Variants in FOXN3 observed in about 807,000 individuals in gnomAD.
The protein encoded by FOXN3 is forkhead box protein N3.
In FOXN3, 7 loss-of-function variants were observed where a neutral mutation model predicts 38.4. That is an observed-to-expected ratio of 0.18 (90% confidence interval 0.10 to 0.34). FOXN3 has a LOEUF of 0.34. Ranked by LOEUF, FOXN3 falls within the 10% of genes least tolerant of loss-of-function variation. FOXN3 has a pLI of 1.00. For missense variants in FOXN3, 456 were observed against 613.4 expected (o/e 0.74, Z 2.71); for synonymous variants, 230 against 242.2 (o/e 0.95, Z 0.47).
At chr14:89,250,853 T>C (rs1306967210) in intron 4 of FOXN3, among the ~76,000 whole-genome samples, 5 of 152,086 alleles carry the variant, frequency 3.3e-5, no homozygotes, top group Non-Finnish European at 7.4e-5. Context: ...AAAGGGGAGT[T>C]CCCCTGCACA....
intron 1 of FOXN3, among the ~76,000 whole-genome samples, chr14:89,611,829 A>G (rs1176255266): frequency 1.4e-5 from 2 of 145,894 alleles, no homozygotes; most frequent in East Asian, 4.1e-4. Context: ...AAAAAAAAAA[A>G]TCACTGACAA....
intron 4 of FOXN3, chr14:89,190,331 GA>G (rs1365099107): frequency 2.2e-6 from 3 of 1,367,406 alleles, no homozygotes; most frequent in Non-Finnish European, 3.1e-6. Flanking sequence ...GTATAAATGA[GA>G]AGGTTAAGTT....
chr14:89,429,454 GA>G (rs1892112225), intron 1 of FOXN3, among the ~76,000 whole-genome samples: 1 of 152,118 alleles, frequency 6.6e-6, no homozygotes, highest in Admixed American at 6.6e-5. Flanking sequence ...AGCACAAAGG[GA>G]ATCATACCCA....
chr14:89,440,246 T>A (rs1357074157), intron 1 of FOXN3, among the ~76,000 whole-genome samples: 1 of 152,140 alleles, frequency 6.6e-6, no homozygotes, highest in Non-Finnish European at 1.5e-5. Context: ...CCTTCTCTGA[T>A]CTAGGGGTGC....
intron 1 of FOXN3, among the ~76,000 whole-genome samples, chr14:89,545,341 T>G (rs1259673341): frequency 6.6e-6 from 1 of 152,228 alleles, no homozygotes; most frequent in Non-Finnish European, 1.5e-5. Context: ...GAGGAGAGAC[T>G]GAGGGTAAAT....
At chr14:89,442,537 C>A (rs1892408340) in intron 1 of FOXN3, among the ~76,000 whole-genome samples, 1 of 152,176 alleles carries the variant, frequency 6.6e-6, no homozygotes, top group Admixed American at 6.5e-5. Flanking sequence ...CAGGCACAGT[C>A]TGCCCAGCAG....
chr14:89,523,928 A>G (rs1165298567), intron 1 of FOXN3, among the ~76,000 whole-genome samples: 1 of 151,660 alleles, frequency 6.6e-6, no homozygotes, highest in Non-Finnish European at 1.5e-5. Context: ...ATGCCCAGCT[A>G]ATTTTTGTAT....
chr14:89,407,827 T>C (rs1200647969), intron 2 of FOXN3, among the ~76,000 whole-genome samples: 1 of 151,934 alleles, frequency 6.6e-6, no homozygotes, highest in African/African-American at 2.4e-5. Flanking sequence ...TGAAACCCTG[T>C]CTCAAAACAA....
intron 1 of FOXN3, among the ~76,000 whole-genome samples, chr14:89,474,292 CAG>C (rs796758874): frequency 6.6e-6 from 1 of 152,038 alleles, no homozygotes; most frequent in South Asian, 2.1e-4. Flanking sequence ...TGGAAATAAA[CAG>C]GGGGAAAAAG....
rs115643044 is a variant in FOXN3, at chr14:89,485,877, G to A, written c.-14-73387C>T. ...TCTTCCCCTCAAGGCTCAATGCCAC[G>A]CCTCTTCCTTCTGCCTGGCCAAATG... On this transcript the variant is annotated intron_variant, in intron 1 of 6. Coordinates refer to the FOXN3 transcript ENST00000345097. 4.4e-3 allele frequency among the ~76,000 whole-genome samples: 670 copies of A among 152,188 alleles called. 8 individuals are homozygous for A. Among genetic ancestry groups the A allele is most frequent in the African/African-American group, 0.015 (628 of 41,504 alleles).
intron 1 of FOXN3, among the ~76,000 whole-genome samples, chr14:89,594,673 C>T (rs988670073): frequency 6.6e-6 from 1 of 152,120 alleles, no homozygotes; most frequent in Non-Finnish European, 1.5e-5. Context: ...TTCTCTATAT[C>T]TTTTGATGAA....
intron 5 of FOXN3, among the ~76,000 whole-genome samples, chr14:89,166,965 T>C (rs1415730617): frequency 6.6e-6 from 1 of 152,232 alleles, no homozygotes; most frequent in Non-Finnish European, 1.5e-5. Flanking sequence ...TTCTAACCAC[T>C]TTCTTAAAAA....
chr14:89,432,365 G>A (rs1001504100), intron 1 of FOXN3, among the ~76,000 whole-genome samples: 8 of 152,282 alleles, frequency 5.3e-5, no homozygotes, highest in African/African-American at 7.2e-5. Flanking sequence ...CATTCAAGGC[G>A]CTTGAACAAC....
intron 5 of FOXN3, among the ~76,000 whole-genome samples, chr14:89,170,329 A>C (rs575041164): frequency 4.1e-4 from 63 of 152,330 alleles, no homozygotes; most frequent in African/African-American, 1.3e-3. Flanking sequence ...CACACACACA[A>C]AAGTTTCATA....
chr14:89,408,776 T>C (rs1245826045), intron 2 of FOXN3, among the ~76,000 whole-genome samples: 3 of 151,882 alleles, frequency 2.0e-5, no homozygotes, highest in Non-Finnish European at 4.4e-5. Context: ...ACTTGCAAGG[T>C]TTCAATGTTC....
intron 1 of FOXN3, among the ~76,000 whole-genome samples, chr14:89,596,120 AT>A (rs1217511310): frequency 6.6e-6 from 1 of 152,098 alleles, no homozygotes; most frequent in Non-Finnish European, 1.5e-5. Context: ...AATTTTATTT[AT>A]TTATTGAGAC....
Position 89,572,412 on chromosome 14 carries a change from A to AGTTG in FOXN3, c.-15+46612_-15+46615dup, listed in dbSNP as rs1402158065. On this transcript the variant is annotated intron_variant, in intron 1 of 6. Transcript: ENST00000345097. ...TATAAGAAGAAAAGCTGGCCACTGA[A>AGTTG]GTTGATAAGTTTAGACATGCTCATA... is the stretch of plus-strand genomic sequence containing the variant. Among the ~76,000 whole-genome samples, 2 of 152,220 alleles carry AGTTG rather than the reference A, an allele frequency of 1.3e-5. 1 individual carries two copies. Among genetic ancestry groups the AGTTG allele is most frequent in the East Asian group, 3.8e-4 (2 of 5,198 alleles).
In FOXN3 at chr14:89,324,465, T is replaced by C. The variant is rs1185511368; in HGVS notation, c.680+26207A>G. Reference sequence around the variant, plus strand: ...GTGCGTGTGTGTGTGTGTGTGTGTGTGTGTGTGTGTGTGTGTGTGTATGTA... The same window carrying C: ...GTGCGTGTGTGTGTGTGTGTGTGTGCGTGTGTGTGTGTGTGTGTGTATGTA... On this transcript the variant is annotated intron_variant, in intron 3 of 5. Transcript: ENST00000557258. Among the ~76,000 whole-genome samples, 204 of 151,608 alleles carry C rather than the reference T, an allele frequency of 1.3e-3. 1 individual carries two copies. The highest frequency in any genetic ancestry group is 4.5e-3 in the African/African-American group (185 of 41,350).
chr14:89,396,771 G>C (rs1449513798), intron 2 of FOXN3, among the ~76,000 whole-genome samples: 1 of 149,464 alleles, frequency 6.7e-6, no homozygotes. Context: ...GGCGGAGGTT[G>C]CAGTGAGCTG....
Sources: allele counts gnomAD v4.1 joint callset (sites outside exome capture counted in the v4.1 genomes callset), GRCh38; gene constraint gnomAD v4.1.1; transcripts MANE v1.5; gene names NCBI Gene and HGNC (gene_info 2026-07-23, HGNC 2026-07-21).